Variants in C6orf132 observed in about 807,000 individuals in gnomAD.
C6orf132 encodes uncharacterized protein C6orf132.
Under a neutral mutation model 65.3 loss-of-function variants are expected in C6orf132, and 43 were observed. The observed-to-expected ratio is 0.66, with a 90% CI of 0.52 to 0.85. The LOEUF (loss-of-function observed/expected upper bound fraction) is 0.85. Ranked by LOEUF, C6orf132 falls within the 40% of genes least tolerant of loss-of-function variation. C6orf132 has a pLI of 0.00. For synonymous variants in C6orf132, 631 were observed against 654.1 expected, an observed-to-expected ratio of 0.96 and a Z score of 0.54; for missense variants, 1,488 against 1,548.8, an observed-to-expected ratio of 0.96 and a Z score of 0.66.
At chr6:42,139,375 G>A (rs912884605) in intron 1 of C6orf132, among the ~76,000 whole-genome samples, 4 of 133,412 alleles carry the variant, frequency 3.0e-5, no homozygotes, top group Non-Finnish European at 4.9e-5. Flanking sequence ...TGCTGGGAAC[G>A]ATCCAATAAT....
rs554303836 is a variant in C6orf132, at chr6:42,110,326, A to G, written c.253-35T>C. 1.5e-5 allele frequency: 22 copies of G among 1,489,494 alleles called. No individual in the cohort carries two copies. The East Asian group carries it at 5.6e-4, about 38-fold the overall frequency. The allele number at this position is 1,489,494 out of a possible 1,614,324, so 92.3% of individuals were successfully genotyped here. A position where few individuals can be genotyped will look rare whatever the true frequency, so the allele number is the denominator to read the frequency against. Reference sequence around the variant, plus strand: ...ACCAGAAAGAAATCAGGGGACAGGGAAAGATGGACAGATAATTCTCAAACT... The same window carrying G: ...ACCAGAAAGAAATCAGGGGACAGGGGAAGATGGACAGATAATTCTCAAACT... On this transcript the variant is annotated intron_variant, in intron 2 of 4. Transcript: ENST00000341865.
At chr6:42,128,863 G>T in intron 1 of C6orf132, 85 bp from the exon 2 acceptor site, 2 of 969,592 alleles carry the variant, frequency 2.1e-6, no homozygotes, top group Non-Finnish European at 3.2e-6. Flanking sequence ...TCAGCTCCCA[G>T]TGAGGAAAGC....
At position 42,106,953 on chromosome 6, in the gene C6orf132, G is replaced by T. The variant is rs1233291124; in HGVS notation, c.959C>A (p.Ala320Glu). 3 of 1,536,448 alleles carry T rather than the reference G, an allele frequency of 2.0e-6. No individual in the cohort carries two copies. In the African/African-American group the frequency reaches 4.1e-5, roughly 21 times the overall value. ...VRTSSIPVQE[A>E]QEAPRKEEGA... Reference sequence around the variant, plus strand: ...CTCTTCCTTTCGGGGAGCCTCTTGTGCTTCCTGAACTGGGATGGACGAAGT... The same window carrying T: ...CTCTTCCTTTCGGGGAGCCTCTTGTTCTTCCTGAACTGGGATGGACGAAGT... The change falls in exon 4 of 5, where the codon GCA becomes GAA. Residue 320 changes from alanine to glutamate, a missense_variant. Ala to Glu is a moderately radical substitution (Grantham distance 107). Transcript: ENST00000341865.
intron 1 of C6orf132, among the ~76,000 whole-genome samples, chr6:42,136,937 G>A (rs1562043086): frequency 6.6e-6 from 1 of 152,260 alleles, no homozygotes; most frequent in African/African-American, 2.4e-5. Flanking sequence ...AGTGAACAGG[G>A]CCCTCGGCTT....
intron 2 of C6orf132, among the ~76,000 whole-genome samples, chr6:42,111,724 C>T (rs1028698416): frequency 2.6e-5 from 4 of 152,198 alleles, no homozygotes; most frequent in African/African-American, 9.7e-5. Flanking sequence ...TGTTCCCAGC[C>T]TGAACTTGAA....
At position 42,105,532 on chromosome 6, in the gene C6orf132, C is replaced by T. The variant is rs1252443558; in HGVS notation, c.2380G>A (p.Ala794Thr). ...VVMPTLARGGAAGPGEPVEVK... is the reference protein window; with the variant it reads ...VVMPTLARGGTAGPGEPVEVK... ...TCCACGGGCTCCCCTGGCCCTGCAG[C>T]CCCTCCTCTGGCCAGGGTGGGCATC... Residue 794 changes from alanine to threonine, a missense_variant, in exon 4 of 5, where the codon GCT becomes ACT. Coordinates refer to ENST00000341865, the MANE Select transcript of C6orf132 (RefSeq NM_001164446.3). 6.5e-7 allele frequency: 1 copy of T among 1,533,938 alleles called. No homozygotes were observed. Among genetic ancestry groups the T allele is most frequent in the African/African-American group, 1.4e-5 (1 of 73,116 alleles).
In C6orf132 at chr6:42,103,785, C is replaced by T. The variant is rs371261840; in HGVS notation, c.3543G>A (p.Gly1181=). ...TRHPISYVCS[G]AHRKATS is the part of the protein sequence containing the mutation. ...CTCAGGAGGTGGCTTTCCGATGGGC[C>T]CCTGAGCAGACATAGGAGATGGGAT... The change falls in exon 5 of 5, where the codon GGG becomes GGA. Residue 1181 remains glycine (G), a synonymous_variant. Transcript: ENST00000341865. The T allele has an allele frequency of 3.4e-6, 5 of 1,459,210 alleles. No homozygotes were observed. Among genetic ancestry groups the T allele is most frequent in the Non-Finnish European group, 3.6e-6 (4 of 1,107,142 alleles). The allele number at this position is 1,459,210 out of a possible 1,614,324, so 90.4% of individuals were successfully genotyped here.
At chr6:42,116,020 C>T (rs1263887176) in intron 2 of C6orf132, among the ~76,000 whole-genome samples, 2 of 145,950 alleles carry the variant, frequency 1.4e-5, no homozygotes, top group Non-Finnish European at 3.0e-5. Context: ...ACCTTTGACT[C>T]CCGGGTTCCA....
At position 42,128,831 on chromosome 6, in the gene C6orf132, C is replaced by A. The variant is rs553700066; in HGVS notation, c.146-53G>T. The A allele has an allele frequency of 1.9e-4, 265 of 1,377,866 alleles. 1 individual carries two copies. The African/African-American group carries it at 3.5e-3, about 18-fold the overall frequency. 85.4% of individuals were successfully genotyped at this position (1,377,866 alleles called of 1,614,324 possible). On this transcript the variant is annotated intron_variant, in intron 1 of 4. Transcript: ENST00000341865. ...TAAGCTGGAGATCCAAGGCATCCGGCCACCCAAGTTTAATCTGCCCTTCAG... is the reference window on the plus strand; with the variant it reads ...TAAGCTGGAGATCCAAGGCATCCGGACACCCAAGTTTAATCTGCCCTTCAG...
rs560740838 is a variant in C6orf132 at position 42,130,420 on chromosome 6, G to A, written c.146-1642C>T. Among the ~76,000 whole-genome samples the A allele has an allele frequency of 4.5e-4, 69 of 152,322 alleles. 1 individual carries two copies. Among genetic ancestry groups the A allele is most frequent in the African/African-American group, 1.4e-3 (57 of 41,576 alleles). Reference sequence around the variant, plus strand: ...AATTCCCTCACTTCCGAGAGTCTGCGTGTTGACACTAGGATCTCCTGGGGC... The same window carrying A: ...AATTCCCTCACTTCCGAGAGTCTGCATGTTGACACTAGGATCTCCTGGGGC... On this transcript the variant is annotated intron_variant, in intron 1 of 4. Transcript: ENST00000341865.
At position 42,139,728 on chromosome 6, in the gene C6orf132, A is replaced by G. The variant is rs374043908; in HGVS notation, c.145+2572T>C. On this transcript the variant is annotated intron_variant, in intron 1 of 4. Coordinates refer to ENST00000341865, the MANE Select transcript of C6orf132 (RefSeq NM_001164446.3). ...GTTTTTTAGCTCATCAGCTATTGTT[A>G]GTGTCAGTGTATTTTATGTGTGGCC... Among the ~76,000 whole-genome samples the G allele has an allele frequency of 3.2e-4, 48 of 151,940 alleles. No homozygotes were observed. The East Asian group carries it at 3.5e-3, about 11-fold the overall frequency.
intron 2 of C6orf132, among the ~76,000 whole-genome samples, chr6:42,127,753 G>A (rs1199727067): frequency 6.6e-6 from 1 of 152,178 alleles, no homozygotes; most frequent in Non-Finnish European, 1.5e-5. Context: ...GGGCTGTCTA[G>A]TACAGCAGCC....
chr6:42,114,253 A>G lies in C6orf132; in HGVS notation c.253-3962T>C, dbSNP rs747671602. 4.6e-5 allele frequency among the ~76,000 whole-genome samples: 7 copies of G among 152,284 alleles called. No individual in the cohort carries two copies. In the South Asian group the frequency reaches 1.0e-3, roughly 23 times the overall value. On this transcript the variant is annotated intron_variant, in intron 2 of 4. Coordinates refer to ENST00000341865, the MANE Select transcript of C6orf132 (RefSeq NM_001164446.3). ...CTATTCTGACACAAGGGGATCCCAC[A>G]GCACCCCCACCACCTCACCACCATG...
Position 42,142,576 on chromosome 6 carries a change from G to C in C6orf132, c.-132C>G. ...GTCCCCCGCCGTCCTCCCCGCCCGC[G>C]CACCGGGCAACAGGTGCTGCGGGCG... On this transcript the variant is annotated 5_prime_UTR_variant, in exon 1 of 5. Transcript: ENST00000341865. 6.6e-6 allele frequency: 4 copies of C among 605,170 alleles called. No homozygotes were observed. Among genetic ancestry groups the C allele is most frequent in the Non-Finnish European group, 2.3e-6 (1 of 431,316 alleles). 37.5% of individuals were successfully genotyped at this position (605,170 alleles called of 1,614,324 possible). A position where few individuals can be genotyped will look rare whatever the true frequency, so the allele number is the denominator to read the frequency against.
intron 1 of C6orf132, among the ~76,000 whole-genome samples, chr6:42,139,257 C>T (rs1049309098): frequency 3.3e-5 from 5 of 152,214 alleles, no homozygotes; most frequent in African/African-American, 1.2e-4. Context: ...GAACTCTAAT[C>T]CCACTCTCTC....
intron 2 of C6orf132, among the ~76,000 whole-genome samples, chr6:42,127,583 G>A (rs1766786344): frequency 6.6e-6 from 1 of 152,214 alleles, no homozygotes; most frequent in Non-Finnish European, 1.5e-5. Flanking sequence ...AGGCCCCTGA[G>A]AGCTCAGACC....
intron 3 of C6orf132, 32 bp from the exon 4 acceptor site, chr6:42,107,615 G>A (rs1766435187): frequency 6.4e-7 from 1 of 1,550,490 alleles, no homozygotes; most frequent in Non-Finnish European, 8.7e-7. Flanking sequence ...ATGGGGGGCA[G>A]GAACAAGGCA....
chr6:42,107,165 G>C lies in C6orf132; in HGVS notation c.747C>G (p.Leu249=). 7.0e-7 allele frequency: 1 copy of C among 1,434,022 alleles called. No individual in the cohort carries two copies. The highest frequency in any genetic ancestry group is 2.5e-5 in the East Asian group (1 of 39,668). The allele number at this position is 1,434,022 out of a possible 1,614,324, so 88.8% of individuals were successfully genotyped here. A position where few individuals can be genotyped will look rare whatever the true frequency, so the allele number is the denominator to read the frequency against. ...ACTTGGTGACACCCCCAGGGGGAAA[G>C]AGACGAGTCCCCACTGTGTGAGGAG... ...PASPHTVGTR[L]FPPGGVTKWK... Residue 249 remains leucine (L), a synonymous_variant, in exon 4 of 5, where the codon CTC becomes CTG. Transcript: ENST00000341865.
chr6:42,120,316 G>A (rs1191159986), intron 2 of C6orf132, among the ~76,000 whole-genome samples: 7 of 146,308 alleles, frequency 4.8e-5, no homozygotes, highest in South Asian at 4.4e-4. Flanking sequence ...GCGCGATCTC[G>A]GCTCACTGCA....
Sources: allele counts gnomAD v4.1 joint callset (sites outside exome capture counted in the v4.1 genomes callset), GRCh38; gene constraint gnomAD v4.1.1; transcripts MANE v1.5; gene names NCBI Gene and HGNC (gene_info 2026-07-23, HGNC 2026-07-21).